The following CNTN3 variants were observed in gnomAD, a reference collection of about 807,000 sequenced individuals.
The protein encoded by CNTN3 is contactin 3, also known as contactin-3.
Under a neutral mutation model 119.1 loss-of-function variants are expected in CNTN3, and 60 were observed. The ratio of observed to expected loss-of-function variants is 0.50; its 90% CI spans 0.41 to 0.62. The LOEUF is 0.62. Ranked by LOEUF, CNTN3 falls within the 20% of genes least tolerant of loss-of-function variation. The pLI is 0.00. For missense variants in CNTN3, 1,101 were observed against 1,242.4 expected (o/e 0.89, Z 1.71); for synonymous variants, 450 against 438.7 (o/e 1.03, Z -0.32).
intron 3 of CNTN3, among the ~76,000 whole-genome samples, chr3:74,496,555 G>T (rs920162113): frequency 2.0e-5 from 3 of 152,014 alleles, no homozygotes; most frequent in Admixed American, 6.6e-5. Context: ...TGAAACAAGT[G>T]GCCCCTTTAA....
chr3:74,322,532 T>C lies in CNTN3; in HGVS notation c.1668+12203A>G, dbSNP rs144548163. On this transcript the variant is annotated intron_variant, in intron 13 of 22. Transcript: ENST00000263665. ...GATGTAGAGTAGCAGGAACTCTCAT[T>C]TATCACTGGTGGGGATGCAAAATGT... Among the ~76,000 whole-genome samples the C allele has an allele frequency of 3.1e-3, 470 of 152,260 alleles. 6 individuals carry two copies. The highest frequency in any genetic ancestry group is 0.011 in the African/African-American group (457 of 41,556).
chr3:74,418,501 C>G (rs1282739003), intron 5 of CNTN3, among the ~76,000 whole-genome samples: 1 of 151,708 alleles, frequency 6.6e-6, no homozygotes, highest in East Asian at 2.0e-4. Flanking sequence ...GCCACCATGC[C>G]CAGCTAATTT....
At chr3:74,434,716 G>A (rs1387191272) in intron 4 of CNTN3, among the ~76,000 whole-genome samples, 1 of 152,152 alleles carries the variant, frequency 6.6e-6, no homozygotes, top group East Asian at 1.9e-4. Flanking sequence ...TTGCAAGGAA[G>A]AAATAAGATA....
intron 4 of CNTN3, among the ~76,000 whole-genome samples, chr3:74,437,481 A>T (rs1490572995): frequency 2.0e-5 from 3 of 152,066 alleles, no homozygotes; most frequent in South Asian, 2.1e-4. Context: ...AAAATAAAAA[A>T]AAACCCATGT....
At chr3:74,450,169 A>G (rs1479525871) in intron 4 of CNTN3, among the ~76,000 whole-genome samples, 2 of 152,144 alleles carry the variant, frequency 1.3e-5, no homozygotes, top group East Asian at 1.9e-4. Flanking sequence ...AGTAGGAAAG[A>G]ATTTATATTC....
At chr3:74,400,927 G>T (rs189345868) in intron 5 of CNTN3, among the ~76,000 whole-genome samples, 3 of 152,286 alleles carry the variant, frequency 2.0e-5, no homozygotes, top group Admixed American at 2.0e-4. Context: ...TTGTGGGTCA[G>T]TGTTTAATAC....
At chr3:74,381,063 T>C (rs113237147) in intron 5 of CNTN3, among the ~76,000 whole-genome samples, 3,887 of 146,630 alleles carry the variant, frequency 0.027, 67 homozygotes, top group Middle Eastern at 0.067. Flanking sequence ...GTTTTTTTTT[T>C]TCTCTCTCTC....
chr3:74,397,581 TAGGCC>T (rs1437536198), intron 5 of CNTN3, among the ~76,000 whole-genome samples: 2 of 152,046 alleles, frequency 1.3e-5, no homozygotes, highest in African/African-American at 4.8e-5. Context: ...ATATTGAAAA[TAGGCC>T]AATTAATAAT....
At chr3:74,428,030 A>T (rs1475211432) in intron 4 of CNTN3, among the ~76,000 whole-genome samples, 1 of 152,196 alleles carries the variant, frequency 6.6e-6, no homozygotes, top group Non-Finnish European at 1.5e-5. Flanking sequence ...ATATGGCCAG[A>T]CCATATTTAC....
chr3:74,267,427 T>C (rs781660132), intron 20 of CNTN3, 49 bp from the exon 21 acceptor site: 4 of 1,304,528 alleles, frequency 3.1e-6, no homozygotes, highest in Admixed American at 1.7e-5. Flanking sequence ...GTACAAGTGA[T>C]ATTTTACACG....
chr3:74,596,272 T>G (rs1456477572), intron 1 of CNTN3, among the ~76,000 whole-genome samples: 1 of 152,102 alleles, frequency 6.6e-6, no homozygotes, highest in Non-Finnish European at 1.5e-5. Flanking sequence ...CAAGGTAATT[T>G]ATAGATTCAA....
chr3:74,587,523 T>C (rs538242751), intron 1 of CNTN3, among the ~76,000 whole-genome samples: 5 of 152,118 alleles, frequency 3.3e-5, no homozygotes, highest in African/African-American at 7.2e-5. Context: ...CTGCCACTTA[T>C]GGTGGATATG....
chr3:74,464,556 G>T (rs71319855), intron 4 of CNTN3, among the ~76,000 whole-genome samples: 15,881 of 152,070 alleles, frequency 0.1, 1,319 homozygotes, highest in East Asian at 0.46. Context: ...CTTACATCCT[G>T]GTCCAGAGGA....
At chr3:74,397,124 A>T (rs889452028) in intron 5 of CNTN3, among the ~76,000 whole-genome samples, 3 of 152,206 alleles carry the variant, frequency 2.0e-5, no homozygotes, top group Non-Finnish European at 4.4e-5. Flanking sequence ...GTTGAAGCCA[A>T]TGCTCATTGA....
At chr3:74,554,934 A>T (rs538467548) in intron 1 of CNTN3, among the ~76,000 whole-genome samples, 1 of 152,282 alleles carries the variant, frequency 6.6e-6, no homozygotes, top group South Asian at 2.1e-4. Context: ...TCCTGGCCAG[A>T]ACTTCCAATA....
chr3:74,418,272 C>G (rs554815776), intron 5 of CNTN3, among the ~76,000 whole-genome samples: 1 of 151,462 alleles, frequency 6.6e-6, no homozygotes, highest in Admixed American at 6.6e-5. Context: ...AAGGGATCCT[C>G]CCATCTTGGC....
chr3:74,563,133 T>C (rs1252569029), intron 1 of CNTN3, among the ~76,000 whole-genome samples: 1 of 152,108 alleles, frequency 6.6e-6, no homozygotes, highest in East Asian at 1.9e-4. Flanking sequence ...CTGGGTTCCA[T>C]CTATTGGTTT....
At position 74,520,998 on chromosome 3, in the gene CNTN3, A is replaced by T. The variant is rs148870358; in HGVS notation, c.55+60T>A. 964 of 902,730 alleles carry T rather than the reference A, an allele frequency of 1.1e-3. 4 individuals are homozygous for T. The highest frequency in any genetic ancestry group is 1.5e-3 in the Non-Finnish European group (916 of 607,572). 55.9% of individuals were successfully genotyped at this position (902,730 alleles called of 1,614,324 possible). A position where few individuals can be genotyped will look rare whatever the true frequency, so the allele number is the denominator to read the frequency against. On this transcript the variant is annotated intron_variant, in intron 2 of 22. Transcript: ENST00000263665. ...TTATTTCAACATCTAAAAATTATGT[A>T]AGCATATGACTCGAGTATACTTCTA... is the stretch of plus-strand genomic sequence containing the variant.
intron 11 of CNTN3, among the ~76,000 whole-genome samples, chr3:74,347,273 G>A (rs927477667): frequency 5.9e-5 from 9 of 152,140 alleles, no homozygotes; most frequent in East Asian, 1.9e-4. Context: ...TCTCCATCTC[G>A]CTCTGTCATC....
Sources: gnomAD v4.1 joint callset for allele counts (sites outside exome capture counted in the v4.1 genomes callset) on GRCh38, gnomAD v4.1.1 for gene constraint, MANE v1.5 for transcripts, NCBI Gene and HGNC (gene_info 2026-07-23, HGNC 2026-07-21) for gene names.